Variants in DISC1 observed in about 807,000 individuals in gnomAD.
DISC1 encodes the protein DISC1 scaffold protein.
A neutral mutation model predicts 84.5 loss-of-function variants in DISC1; 57 were observed. The observed-to-expected ratio is 0.67, with a 90% CI of 0.55 to 0.84. The LOEUF is 0.84. Among genes scored for constraint, DISC1 ranks in the 40% least tolerant of loss-of-function variants. The pLI is 0.00. For missense variants in DISC1, 1,000 were observed against 1,057.8 expected (o/e 0.95, Z 0.76); for synonymous variants, 411 against 415.2 (o/e 0.99, Z 0.12).
At chr1:231,832,146 A>T (rs2082277825) in intron 9 of DISC1, among the ~76,000 whole-genome samples, 6 of 39,256 alleles carry the variant, frequency 1.5e-4, no homozygotes, top group Non-Finnish European at 6.8e-5. Context: ...GAGTGAGCAC[A>T]GCTGAAGGAG....
chr1:231,931,891 A>G (rs993898578), intron 9 of DISC1, among the ~76,000 whole-genome samples: 3 of 152,002 alleles, frequency 2.0e-5, no homozygotes, highest in African/African-American at 4.8e-5. Flanking sequence ...ACCTCAAGCA[A>G]TCCTCCTGTC....
intron 9 of DISC1, among the ~76,000 whole-genome samples, chr1:231,906,855 T>C (rs1049646237): frequency 6.6e-6 from 1 of 152,180 alleles, no homozygotes; most frequent in Non-Finnish European, 1.5e-5. Context: ...AAGGGGCTTA[T>C]GTTTTATATC....
At chr1:231,690,379 C>G (rs899848520) in intron 1 of DISC1, among the ~76,000 whole-genome samples, 2 of 152,210 alleles carry the variant, frequency 1.3e-5, no homozygotes, top group African/African-American at 4.8e-5. Context: ...TGGAACGAGG[C>G]ATCTCTGGGT....
intron 1 of DISC1, among the ~76,000 whole-genome samples, chr1:231,646,058 CTTT>C (rs80314007): frequency 6.8e-5 from 10 of 146,220 alleles, no homozygotes; most frequent in East Asian, 2.0e-4. Flanking sequence ...ATGTACTTTT[CTTT>C]TTTTTTTTTT....
chr1:231,660,273 G>C lies in DISC1; in HGVS notation c.67+33339G>C, dbSNP rs183218736. Among the ~76,000 whole-genome samples, 16 of 151,956 alleles carry C rather than the reference G, an allele frequency of 1.1e-4. No individual in the cohort carries two copies. In the South Asian group the frequency reaches 3.3e-3, roughly 32 times the overall value. On this transcript the variant is annotated intron_variant, in intron 1 of 12. Transcript: ENST00000439617. Reference sequence around the variant, plus strand: ...CTTTGTTGGCTTAAAGTCTTGTTTTGTCAGAAATTAGGATTGCAACCCCTA... The same window carrying C: ...CTTTGTTGGCTTAAAGTCTTGTTTTCTCAGAAATTAGGATTGCAACCCCTA...
intron 3 of DISC1, among the ~76,000 whole-genome samples, chr1:231,707,415 C>T (rs182711901): frequency 1.3e-5 from 2 of 152,168 alleles, no homozygotes; most frequent in African/African-American, 4.8e-5. Flanking sequence ...CTTTCCCTTC[C>T]TTTGCTGTGA....
At chr1:231,869,926 TG>T (rs1234116134) in intron 9 of DISC1, among the ~76,000 whole-genome samples, 1 of 152,148 alleles carries the variant, frequency 6.6e-6, no homozygotes, top group Non-Finnish European at 1.5e-5. Flanking sequence ...CCTTTAGACC[TG>T]GGGAGAGCCC....
intron 3 of DISC1, among the ~76,000 whole-genome samples, chr1:231,727,434 C>A (rs1301716462): frequency 6.6e-6 from 1 of 152,038 alleles, no homozygotes; most frequent in Admixed American, 6.6e-5. Flanking sequence ...GGACAGAGAG[C>A]GAGTTTAGGA....
At chr1:231,629,403 A>G (rs947720128) in intron 1 of DISC1, 1 of 153,262 alleles carries the variant, frequency 6.5e-6, no homozygotes, top group Non-Finnish European at 1.5e-5. Flanking sequence ...CTCACCCAAG[A>G]TGCCTCCAGA....
chr1:231,798,255 G>A (rs1573900557), intron 7 of DISC1, among the ~76,000 whole-genome samples: 1 of 152,062 alleles, frequency 6.6e-6, no homozygotes, highest in East Asian at 1.9e-4. Flanking sequence ...AGTAATTAAG[G>A]GATAAATGAG....
chr1:231,815,041 A>C (rs776817736), intron 8 of DISC1: 6 of 151,400 alleles, frequency 4.0e-5, no homozygotes, highest in Non-Finnish European at 7.4e-5. Context: ...GTTTGTAGCT[A>C]TTATTGTGAT....
At chr1:231,713,678 C>CAGATATATATATATATAGG (rs1558400304) in intron 3 of DISC1, among the ~76,000 whole-genome samples, 3 of 125,282 alleles carry the variant, frequency 2.4e-5, no homozygotes, top group African/African-American at 9.9e-5. Flanking sequence ...CATCATGAAG[C>CAGATATATATATATATAGG]AGATATATAT....
At chr1:231,662,976 TAAACA>T (rs753409960) in intron 1 of DISC1, among the ~76,000 whole-genome samples, 13 of 152,016 alleles carry the variant, frequency 8.6e-5, no homozygotes, top group East Asian at 3.9e-4. Flanking sequence ...GACTCTGTCT[TAAACA>T]AAACAAAACA....
rs142641202 is a variant in DISC1 at position 231,694,735 on chromosome 1, G to T, written c.977G>T (p.Trp326Leu). Residue 326 changes from tryptophan to leucine, a missense_variant, in exon 2 of 13, where the codon TGG (tryptophan) becomes TTG (leucine). Physicochemically the swap from Trp to Leu is moderately conservative, Grantham distance 61. Around this residue, in one of 3 missense-constraint regions of DISC1, gnomAD observed 311 missense variants for 400.1 expected, o/e 0.78. Transcript: ENST00000439617. ...AGCGGCTCAGGGGATGCCCACTCTTGGGACACCCTGCTCAGGAAATGGGAG... is the reference window on the plus strand; with the variant it reads ...AGCGGCTCAGGGGATGCCCACTCTTTGGACACCCTGCTCAGGAAATGGGAG... ...GSSGSGDAHS[W>L]DTLLRKWEPV... 1 of 1,614,098 alleles carries T rather than the reference G, an allele frequency of 6.2e-7. No homozygotes were observed. The highest frequency in any genetic ancestry group is 2.2e-5 in the East Asian group (1 of 44,876).
chr1:231,911,686 C>G lies in DISC1; in HGVS notation c.1982-47142C>G, dbSNP rs928145164. ...CTCTTCTTGAGGATTATCTTTGTGG[C>G]GTTCTCTGTATTTCCTGCATTTGAA... is the stretch of plus-strand genomic sequence containing the variant. On this transcript the variant is annotated intron_variant, in intron 9 of 12. Coordinates refer to ENST00000439617, the MANE Select transcript of DISC1 (RefSeq NM_018662.3). Among the ~76,000 whole-genome samples the G allele has an allele frequency of 7.2e-5, 11 of 152,204 alleles. 1 individual carries two copies. The highest frequency in any genetic ancestry group is 2.6e-4 in the African/African-American group (11 of 41,532).
At chr1:231,855,550 T>C (rs1451446412) in intron 9 of DISC1, among the ~76,000 whole-genome samples, 1 of 152,238 alleles carries the variant, frequency 6.6e-6, no homozygotes, top group Non-Finnish European at 1.5e-5. Context: ...TTCTTGCATT[T>C]ACAACATAAA....
chr1:231,729,425 T>A (rs772068332), intron 3 of DISC1, among the ~76,000 whole-genome samples: 1 of 152,228 alleles, frequency 6.6e-6, no homozygotes, highest in African/African-American at 2.4e-5. Context: ...TAGAGGCATA[T>A]TGGAGTCCAG....
intron 3 of DISC1, among the ~76,000 whole-genome samples, chr1:231,732,820 T>C (rs2071701207): frequency 6.6e-6 from 1 of 152,222 alleles, no homozygotes; most frequent in Admixed American, 6.5e-5. Context: ...ACAGTGGTGA[T>C]AGTGGTTGGA....
chr1:231,917,081 G>T (rs2089688416), intron 9 of DISC1, among the ~76,000 whole-genome samples: 1 of 152,084 alleles, frequency 6.6e-6, no homozygotes, highest in Non-Finnish European at 1.5e-5. Context: ...AATTTGTAAG[G>T]AATTATCATA....
Sources: gnomAD v4.1 joint callset for allele counts (sites outside exome capture counted in the v4.1 genomes callset) on GRCh38, gnomAD v4.1.1 for gene constraint, gnomAD v4.1.1 regional missense constraint, MANE v1.5 for transcripts, NCBI Gene and HGNC (gene_info 2026-07-23, HGNC 2026-07-21) for gene names.